Variants in MYT1 observed in about 807,000 individuals in gnomAD.
MYT1 encodes myelin transcription factor 1, also known as myelin transcription factor I.
MYT1 carries 23 observed loss-of-function variants against 123.0 expected under a neutral mutation model. The ratio of observed to expected loss-of-function variants is 0.19; its 90% CI spans 0.13 to 0.26. The LOEUF is 0.26. Ranked by LOEUF, MYT1 falls within the 10% of genes least tolerant of loss-of-function variation. The pLI, the probability that MYT1 is intolerant of heterozygous loss-of-function variation, is 1.00. For synonymous variants in MYT1, 518 were observed against 575.3 expected, an observed-to-expected ratio of 0.90 and a Z score of 1.43; for missense variants, 1,125 against 1,472.5, an observed-to-expected ratio of 0.76 and a Z score of 3.86.
Position 64,236,608 on chromosome 20 carries a change from G to T in MYT1, c.2951G>T (p.Gly984Val). 6.2e-7 allele frequency: 1 copy of T among 1,613,772 alleles called. No individual in the cohort carries two copies. The highest frequency in any genetic ancestry group is 8.5e-7 in the Non-Finnish European group (1 of 1,179,858). ...TFAGKKGKLS[G>V]DEVLSPKFKT... is the part of the protein sequence containing the mutation. ...GCTGGAAAGAAGGGAAAACTGTCAG[G>T]GGATGAGGTCCTCAGTCCAAAGTTC... The change falls in exon 20 of 23, where the codon GGG (glycine) becomes GTG (valine). Residue 984 changes from glycine to valine, a missense_variant. Physicochemically the swap from Gly to Val is moderately radical, Grantham distance 109. Around this residue, in one of 4 missense-constraint regions of MYT1, gnomAD observed 243 missense variants for 323.1 expected, o/e 0.75. Transcript: ENST00000328439.
At chr20:64,223,389 C>G (rs1488567850) in intron 16 of MYT1, 30 bp downstream of exon 16, 12 of 1,612,426 alleles carry the variant, frequency 7.4e-6, no homozygotes, top group Admixed American at 6.7e-5. Context: ...CCTCCTGTCT[C>G]TTGGGCGGCA....
rs896198465 is a variant in MYT1 at position 64,192,545 on chromosome 20, C to A, written c.-1+2385C>A. Among the ~76,000 whole-genome samples, 3 of 152,202 alleles carry A rather than the reference C, an allele frequency of 2.0e-5. No homozygotes were observed. Among genetic ancestry groups the A allele is most frequent in the African/African-American group, 7.2e-5 (3 of 41,454 alleles). On this transcript the variant is annotated intron_variant, in intron 2 of 22. Transcript: ENST00000328439. This position sits in a 1 kb window ranked among gnomAD's most constrained non-coding sequence, Gnocchi z 5.3. ...GAACACACAAACCCTGTGCATGGGA[C>A]CGTCACAGCCTGCGGCGTGCCTCTG... is the stretch of plus-strand genomic sequence containing the variant.
At chr20:64,183,879 C>T (rs756358020) in intron 1 of MYT1, among the ~76,000 whole-genome samples, 18 of 152,094 alleles carry the variant, frequency 1.2e-4, no homozygotes, top group Admixed American at 4.6e-4. Context: ...AGAGTGCAGT[C>T]GCATGATCTT....
chr20:64,204,988 T>A, intron 4 of MYT1, 47 bp from the exon 5 acceptor site: 1 of 1,596,028 alleles, frequency 6.3e-7, no homozygotes, highest in African/African-American at 1.3e-5. Flanking sequence ...GGCTCTGAGA[T>A]CTGAGCCCAT....
intron 1 of MYT1, among the ~76,000 whole-genome samples, chr20:64,187,403 C>T (rs112579024): frequency 8.0e-5 from 12 of 149,764 alleles, no homozygotes; most frequent in African/African-American, 2.2e-4. Context: ...CACGTGGCCC[C>T]GGCATCCACG....
chr20:64,200,058 GCCTT>G, intron 4 of MYT1, 136 bp downstream of exon 4: 4 of 1,022,006 alleles, frequency 3.9e-6, no homozygotes, highest in Non-Finnish European at 6.1e-6. Context: ...TAAGGAGACT[GCCTT>G]TCTCCTGGCC....
intron 2 of MYT1, among the ~76,000 whole-genome samples, chr20:64,197,230 A>T (rs1983150401): frequency 6.6e-6 from 1 of 152,196 alleles, no homozygotes; most frequent in African/African-American, 2.4e-5. Flanking sequence ...TTTCTTCCTT[A>T]ACAAATCACA....
At chr20:64,215,577 CTTATTA>C (rs1029375792) in intron 10 of MYT1, among the ~76,000 whole-genome samples, 2 of 151,436 alleles carry the variant, frequency 1.3e-5, no homozygotes, top group African/African-American at 2.4e-5. Context: ...CAATGTTAAG[CTTATTA>C]TTATTATTAT....
intron 18 of MYT1, among the ~76,000 whole-genome samples, chr20:64,228,294 C>T (rs1008059659): frequency 6.6e-6 from 1 of 152,152 alleles, no homozygotes; most frequent in African/African-American, 2.4e-5. Flanking sequence ...TGGGAGTGGG[C>T]CCCAGGGCCT....
chr20:64,169,702 G>A (rs1046276925), intron 1 of MYT1, among the ~76,000 whole-genome samples: 6 of 152,140 alleles, frequency 3.9e-5, no homozygotes, highest in Non-Finnish European at 7.4e-5. Context: ...AAATTGGGAC[G>A]ACTTACTATG....
Position 64,231,898 on chromosome 20 carries a change from C to G in MYT1, c.2676-266C>G, listed in dbSNP as rs112868158. ...CCAGGGTCACGGCTGCTGGAGGGCA[C>G]GGAAAGAAGGTGGCTGTGGAGACCC... is the stretch of plus-strand genomic sequence containing the variant. On this transcript the variant is annotated intron_variant, in intron 18 of 22. Coordinates refer to ENST00000328439, the MANE Select transcript of MYT1 (RefSeq NM_004535.3). The surrounding 1 kb of genome is among the most constrained non-coding windows in gnomAD (Gnocchi z 6.4). Among the ~76,000 whole-genome samples the G allele has an allele frequency of 0.079, 11,960 of 152,176 alleles. 608 individuals carry two copies. The highest frequency in any genetic ancestry group is 0.16 in the South Asian group (753 of 4,822).
intron 1 of MYT1, among the ~76,000 whole-genome samples, chr20:64,169,123 C>T (rs1292974872): frequency 6.6e-6 from 1 of 152,272 alleles, no homozygotes; most frequent in Non-Finnish European, 1.5e-5. Flanking sequence ...GGGGGACCCT[C>T]CATGTCTCCC....
chr20:64,208,574 G>C lies in MYT1; in HGVS notation c.1291+87G>C. The stretch of plus-strand genomic sequence containing the variant: ...AGATGCAGGCTGAGAGCCCTTCTAG[G>C]ACAGGGGGCTGGGGGATGGCAGAAA... On this transcript the variant is annotated intron_variant, in intron 7 of 22. Transcript: ENST00000328439. The surrounding 1 kb of genome is among the most constrained non-coding windows in gnomAD (Gnocchi z 5.4). The C allele has an allele frequency of 6.7e-7, 1 of 1,484,454 alleles. No individual in the cohort carries two copies. Among genetic ancestry groups the C allele is most frequent in the South Asian group, 1.4e-5 (1 of 71,316 alleles). 92.0% of individuals were successfully genotyped at this position (1,484,454 alleles called of 1,614,324 possible).
At position 64,221,458 on chromosome 20, in the gene MYT1, T is replaced by C. The variant is rs536829435; in HGVS notation, c.2242-435T>C. ...AGGTTACTGCGATTGTTGTAATTTG[T>C]ATGTTATTACCCTCGTTGTGCCATC... On this transcript the variant is annotated intron_variant, in intron 13 of 22. Coordinates refer to ENST00000328439, the MANE Select transcript of MYT1 (RefSeq NM_004535.3). Among the ~76,000 whole-genome samples, 61 of 152,378 alleles carry C rather than the reference T, an allele frequency of 4.0e-4. 2 individuals carry two copies. In the South Asian group the frequency reaches 0.011, roughly 28 times the overall value.
At chr20:64,198,512 A>G (rs1225596219) in intron 2 of MYT1, among the ~76,000 whole-genome samples, 1 of 152,136 alleles carries the variant, frequency 6.6e-6, no homozygotes, top group African/African-American at 2.4e-5. Flanking sequence ...ACCCTCTTGG[A>G]TAACATACGG....
At chr20:64,199,347 C>T (rs916627487) in intron 3 of MYT1, among the ~76,000 whole-genome samples, 2 of 152,146 alleles carry the variant, frequency 1.3e-5, no homozygotes, top group Admixed American at 6.5e-5. Flanking sequence ...GGATCTGAGC[C>T]CCAACCCCTG....
At chr20:64,181,134 CA>C (rs1222371922) in intron 1 of MYT1, among the ~76,000 whole-genome samples, 3 of 152,078 alleles carry the variant, frequency 2.0e-5, no homozygotes. Flanking sequence ...TTTCCCACTT[CA>C]AAAGCTTTTA....
rs1982097504 is a variant in MYT1 at position 64,166,851 on chromosome 20, C to G, written c.-99+2112C>G. The stretch of plus-strand genomic sequence containing the variant: ...TAGTGCCGGAGATGTCAGGGAGAGG[C>G]TGGCAGAGGGTATGCGGCCACGGGG... On this transcript the variant is annotated intron_variant, in intron 1 of 22. Coordinates refer to ENST00000328439, the MANE Select transcript of MYT1 (RefSeq NM_004535.3). This position sits in a 1 kb window ranked among gnomAD's most constrained non-coding sequence, Gnocchi z 4.9. Among the ~76,000 whole-genome samples, 1 of 152,160 alleles carries G rather than the reference C, an allele frequency of 6.6e-6. No homozygotes were observed. Among genetic ancestry groups the G allele is most frequent in the South Asian group, 2.1e-4 (1 of 4,824 alleles).
In MYT1 at chr20:64,166,425, A is replaced by T. The variant is rs1235301434; in HGVS notation, c.-99+1686A>T. 6.6e-6 allele frequency among the ~76,000 whole-genome samples: 1 copy of T among 152,126 alleles called. No individual in the cohort carries two copies. Among genetic ancestry groups the T allele is most frequent in the Non-Finnish European group, 1.5e-5 (1 of 68,008 alleles). On this transcript the variant is annotated intron_variant, in intron 1 of 22. Transcript: ENST00000328439. This position sits in a 1 kb window ranked among gnomAD's most constrained non-coding sequence, Gnocchi z 4.9. ...CCGAACTTCCCAGGGGTACTTGCTGATCCAGGAGCTTGAGCAGGAGCCACA... is the reference window on the plus strand; with the variant it reads ...CCGAACTTCCCAGGGGTACTTGCTGTTCCAGGAGCTTGAGCAGGAGCCACA...
Sources: gnomAD v4.1 joint callset for allele counts (sites outside exome capture counted in the v4.1 genomes callset) on GRCh38, gnomAD v4.1.1 for gene constraint, gnomAD v4.1.1 regional missense constraint, Gnocchi (gnomAD v3.1) non-coding constraint, MANE v1.5 for transcripts, NCBI Gene and HGNC (gene_info 2026-07-23, HGNC 2026-07-21) for gene names.